FGGY: variants seen among roughly 807,000 people sequenced by gnomAD.
FGGY encodes the protein FGGY carbohydrate kinase domain-containing protein.
A neutral mutation model predicts 71.3 loss-of-function variants in FGGY; 72 were observed. The observed-to-expected ratio is 1.01, with a 90% confidence interval of 0.84 to 1.23. The LOEUF (loss-of-function observed/expected upper bound fraction) is 1.23, where lower values mean the gene tolerates loss of function less well. Ranked by LOEUF, FGGY falls within the 50% of genes most tolerant of loss-of-function variation. FGGY has a pLI of 0.00. For synonymous variants in FGGY, 251 were observed against 250.3 expected (o/e 1.00, Z -0.02); for missense variants, 668 against 682.3 (o/e 0.98, Z 0.23).
chr1:59,757,114 T>C (rs1444803887), intron 14 of FGGY, among the ~76,000 whole-genome samples: 2 of 152,174 alleles, frequency 1.3e-5, no homozygotes, highest in Non-Finnish European at 2.9e-5. Flanking sequence ...AGACTGAGCC[T>C]ATGCTGTAGA....
intron 14 of FGGY, among the ~76,000 whole-genome samples, chr1:59,756,490 G>A (rs773138984): frequency 9.8e-5 from 15 of 152,330 alleles, no homozygotes; most frequent in South Asian, 2.1e-4. Context: ...CGCTTCTAGC[G>A]TAGTATTTAT....
intron 10 of FGGY, among the ~76,000 whole-genome samples, chr1:59,631,760 G>T (rs185965426): frequency 9.1e-4 from 139 of 152,312 alleles, no homozygotes; most frequent in Non-Finnish European, 4.7e-4. Flanking sequence ...CCCCATCTCT[G>T]AAGAGAAGTG....
intron 10 of FGGY, among the ~76,000 whole-genome samples, chr1:59,627,489 T>TATATATATATATATATATATATACAC (rs1469493501): frequency 1.1e-5 from 1 of 92,802 alleles, no homozygotes; most frequent in Non-Finnish European, 2.1e-5. Flanking sequence ...TATATATATA[T>TATATATATATATATATATATATACAC]ACACACACAC....
chr1:59,694,287 TTAAATAAA>T (rs10590302), intron 14 of FGGY, among the ~76,000 whole-genome samples: 1,497 of 143,798 alleles, frequency 0.01, 21 homozygotes, highest in East Asian at 0.033. Flanking sequence ...AGACTCCGTC[TTAAATAAA>T]TAAATAAATA....
chr1:59,635,456 A>G (rs895830150), intron 10 of FGGY, among the ~76,000 whole-genome samples: 1 of 151,830 alleles, frequency 6.6e-6, no homozygotes, highest in South Asian at 2.1e-4. Context: ...AATTAGGCCT[A>G]TACGTTCTTA....
intron 5 of FGGY, among the ~76,000 whole-genome samples, chr1:59,394,893 TCTC>T (rs1421383045): frequency 6.6e-6 from 1 of 152,044 alleles, no homozygotes; most frequent in African/African-American, 2.4e-5. Context: ...ACATCAGACA[TCTC>T]CTCAATCTCT....
chr1:59,351,696 A>G (rs558436389), intron 4 of FGGY, among the ~76,000 whole-genome samples: 1 of 152,176 alleles, frequency 6.6e-6, no homozygotes, highest in Non-Finnish European at 1.5e-5. Context: ...ATGAGACCTG[A>G]ATGAGGCACT....
At chr1:59,344,262 C>T (rs963173218) in intron 3 of FGGY, among the ~76,000 whole-genome samples, 1 of 151,424 alleles carries the variant, frequency 6.6e-6, no homozygotes, top group African/African-American at 2.4e-5. Context: ...TTGTTATGCC[C>T]ATGACCTTAT....
intron 3 of FGGY, among the ~76,000 whole-genome samples, chr1:59,345,854 G>A (rs917026789): frequency 3.3e-5 from 5 of 152,186 alleles, no homozygotes; most frequent in African/African-American, 1.2e-4. Flanking sequence ...AAAGGAGACA[G>A]ATCTTAGAAA....
At chr1:59,384,827 T>C (rs1248869323) in intron 5 of FGGY, among the ~76,000 whole-genome samples, 2 of 152,148 alleles carry the variant, frequency 1.3e-5, no homozygotes. Flanking sequence ...AAATCCACAT[T>C]GTCTGTTCTC....
chr1:59,501,537 G>A (rs1159203108), intron 6 of FGGY, among the ~76,000 whole-genome samples: 1 of 152,118 alleles, frequency 6.6e-6, no homozygotes, highest in Non-Finnish European at 1.5e-5. Flanking sequence ...CCTAGAAGTG[G>A]GGTAACTCTC....
chr1:59,429,072 A>C (rs1035836442), intron 5 of FGGY, among the ~76,000 whole-genome samples: 1 of 152,250 alleles, frequency 6.6e-6, no homozygotes, highest in African/African-American at 2.4e-5. Context: ...GACCACGCCC[A>C]TGTGGCAGAC....
chr1:59,301,887 A>G lies in FGGY; in HGVS notation c.-15+4737A>G, dbSNP rs528980324. On this transcript the variant is annotated intron_variant, in intron 1 of 15. Coordinates refer to ENST00000303721, the MANE Select transcript of FGGY (RefSeq NM_018291.5). Reference sequence around the variant, plus strand: ...CACCACCACACCCAGCTGATTTTGTATTTTTCTTTCTTTCTTTTTTTTTTT... The same window carrying G: ...CACCACCACACCCAGCTGATTTTGTGTTTTTCTTTCTTTCTTTTTTTTTTT... 6.9e-5 allele frequency among the ~76,000 whole-genome samples: 9 copies of G among 130,174 alleles called. No individual in the cohort carries two copies. In the East Asian group the frequency reaches 2.1e-3, roughly 31 times the overall value. The allele number at this position is 130,174 out of a possible 152,430, so 85.4% of individuals were successfully genotyped here.
In FGGY at chr1:59,354,750, T is replaced by G. The variant is rs2053965761; in HGVS notation, c.465+8352T>G. ...GGCCCTGGGGTAGGCTTCTGGGAACTTAGAGTCTAGTGTAGAGAGGCAGAA... is the reference window on the plus strand; with the variant it reads ...GGCCCTGGGGTAGGCTTCTGGGAACGTAGAGTCTAGTGTAGAGAGGCAGAA... On this transcript the variant is annotated intron_variant, in intron 4 of 15. Transcript: ENST00000303721. Among the ~76,000 whole-genome samples the G allele has an allele frequency of 2.6e-5, 4 of 152,192 alleles. No individual in the cohort carries two copies. The South Asian group carries it at 8.3e-4, about 31-fold the overall frequency.
chr1:59,490,511 TGTTA>T (rs1371009757), intron 6 of FGGY, among the ~76,000 whole-genome samples: 5 of 152,198 alleles, frequency 3.3e-5, no homozygotes, highest in Non-Finnish European at 4.4e-5. Context: ...TGCAGAAGCT[TGTTA>T]GTTTGACATA....
chr1:59,427,444 T>G (rs193101806), intron 5 of FGGY, among the ~76,000 whole-genome samples: 1 of 152,176 alleles, frequency 6.6e-6, no homozygotes, highest in African/African-American at 2.4e-5. Context: ...TAAGAGTTGG[T>G]TACCTTGCCG....
intron 4 of FGGY, among the ~76,000 whole-genome samples, chr1:59,361,149 T>C (rs1455019107): frequency 1.3e-5 from 2 of 152,224 alleles, no homozygotes; most frequent in Non-Finnish European, 1.5e-5. Flanking sequence ...AATAAAAATA[T>C]TGTGGTGCTA....
At chr1:59,616,679 A>T (rs1235291882) in intron 9 of FGGY, among the ~76,000 whole-genome samples, 1 of 152,102 alleles carries the variant, frequency 6.6e-6, no homozygotes, top group African/African-American at 2.4e-5. Context: ...AATTGTAATA[A>T]TTGTAGCTTA....
At chr1:59,629,582 A>T (rs1304566723) in intron 10 of FGGY, among the ~76,000 whole-genome samples, 2 of 152,250 alleles carry the variant, frequency 1.3e-5, no homozygotes, top group African/African-American at 4.8e-5. Context: ...ATTTCGGATC[A>T]TCAATGAACC....
Sources: gnomAD v4.1 joint callset for allele counts (sites outside exome capture counted in the v4.1 genomes callset) on GRCh38, gnomAD v4.1.1 for gene constraint, MANE v1.5 for transcripts, NCBI Gene and HGNC (gene_info 2026-07-23, HGNC 2026-07-21) for gene names.